GRHL2: variants seen among roughly 807,000 people sequenced by gnomAD.
GRHL2 encodes grainyhead like transcription factor 2.
Under a neutral mutation model 83.8 loss-of-function variants are expected in GRHL2, and 21 were observed. That is an observed-to-expected ratio of 0.25 (90% CI 0.18 to 0.36). The LOEUF is 0.36. GRHL2 is among the 10% of genes least tolerant of loss of function. GRHL2 has a pLI of 1.00. For synonymous variants in GRHL2, 280 were observed against 278.9 expected, an observed-to-expected ratio of 1.00 and a Z score of -0.04; for missense variants, 623 against 781.8, an observed-to-expected ratio of 0.80 and a Z score of 2.42.
Position 101,562,296 on chromosome 8 carries a change from G to A in GRHL2, c.678+3484G>A, listed in dbSNP as rs550018123. On this transcript the variant is annotated intron_variant, in intron 4 of 15. Coordinates refer to ENST00000646743, the MANE Select transcript of GRHL2 (RefSeq NM_024915.4). ...TTTTTCAAATTCAAATGAATTATAC[G>A]CCGTAAGCCCTTTACCAGCTGCTTT... The A allele has an allele frequency of 5.2e-4, 315 of 607,176 alleles. 1 individual carries two copies. Among genetic ancestry groups the A allele is most frequent in the African/African-American group, 4.6e-3 (251 of 54,334 alleles). 37.6% of individuals were successfully genotyped at this position (607,176 alleles called of 1,614,324 possible).
intron 4 of GRHL2, among the ~76,000 whole-genome samples, chr8:101,566,873 G>T (rs906441267): frequency 4.0e-5 from 6 of 151,456 alleles, no homozygotes; most frequent in African/African-American, 1.5e-4. Context: ...TTTGATTAGC[G>T]TTTTTTCCTA....
At chr8:101,647,744 C>CTTTTTT (rs1813541230) in intron 13 of GRHL2, among the ~76,000 whole-genome samples, 1 of 151,744 alleles carries the variant, frequency 6.6e-6, no homozygotes, top group Admixed American at 6.6e-5. Flanking sequence ...TTTTCTTTTT[C>CTTTTTT]TTTTTCTTTT....
chr8:101,573,375 A>T (rs1222743139), intron 5 of GRHL2, among the ~76,000 whole-genome samples: 1 of 152,124 alleles, frequency 6.6e-6, no homozygotes, highest in Admixed American at 6.5e-5. Context: ...GCCAGCTAAG[A>T]TCTACCAGGG....
chr8:101,610,538 TGAAAG>T lies in GRHL2; in HGVS notation c.1099-8998_1099-8994del, dbSNP rs562019563. Among the ~76,000 whole-genome samples the T allele has an allele frequency of 7.8e-4, 118 of 151,028 alleles. 11 individuals are homozygous for T. The highest frequency in any genetic ancestry group is 2.8e-3 in the African/African-American group (113 of 40,432). On this transcript the variant is annotated intron_variant, in intron 8 of 15. Transcript: ENST00000646743. Reference sequence around the variant, plus strand: ...AGGACCAGCTGAGAGACTAGGTGTCTGAAAGGAGAGAGATAATGTTGACGATAGTA... The same window carrying T: ...AGGACCAGCTGAGAGACTAGGTGTCTGAGAGAGATAATGTTGACGATAGTA...
At chr8:101,570,613 T>C (rs1435970470) in intron 5 of GRHL2, among the ~76,000 whole-genome samples, 1 of 151,854 alleles carries the variant, frequency 6.6e-6, no homozygotes, top group East Asian at 1.9e-4. Flanking sequence ...CTTCCTTCTG[T>C]TGGCTAGACA....
intron 6 of GRHL2, among the ~76,000 whole-genome samples, chr8:101,576,430 G>A (rs1811934812): frequency 6.6e-6 from 1 of 152,088 alleles, no homozygotes; most frequent in Non-Finnish European, 1.5e-5. Context: ...ATGTTCCCCA[G>A]GCTGGTCTTG....
chr8:101,545,034 A>T (rs1193596324), intron 2 of GRHL2, among the ~76,000 whole-genome samples: 1 of 152,042 alleles, frequency 6.6e-6, no homozygotes, highest in Admixed American at 6.6e-5. Flanking sequence ...CTTCTTGGGG[A>T]GATGATTGAA....
rs537326028 is a variant in GRHL2, at chr8:101,649,507, A to G, written c.1698+8A>G. Reference sequence around the variant, plus strand: ...AAGGGCCTGATGGAAGCGGTAAGCCATATACTCCTTTCAGCCTCCAGGAAA... The same window carrying G: ...AAGGGCCTGATGGAAGCGGTAAGCCGTATACTCCTTTCAGCCTCCAGGAAA... On this transcript the variant is annotated splice_region_variant and intron_variant, in intron 14 of 15. Coordinates refer to ENST00000646743, the MANE Select transcript of GRHL2 (RefSeq NM_024915.4). 3 of 1,606,942 alleles carry G rather than the reference A, an allele frequency of 1.9e-6. No homozygotes were observed. Among genetic ancestry groups the G allele is most frequent in the Non-Finnish European group, 2.6e-6 (3 of 1,173,712 alleles).
At chr8:101,519,033 A>G (rs1050984565) in intron 1 of GRHL2, among the ~76,000 whole-genome samples, 8 of 107,272 alleles carry the variant, frequency 7.5e-5, no homozygotes, top group African/African-American at 2.0e-4. Flanking sequence ...ACACTCACAT[A>G]CACACATACA....
intron 3 of GRHL2, among the ~76,000 whole-genome samples, chr8:101,557,613 A>G (rs1222382509): frequency 6.6e-6 from 1 of 152,108 alleles, no homozygotes; most frequent in Non-Finnish European, 1.5e-5. Context: ...TGGTTTGTTC[A>G]GGTCAAGATC....
At chr8:101,578,006 C>T (rs972661122) in intron 7 of GRHL2, among the ~76,000 whole-genome samples, 10 of 152,134 alleles carry the variant, frequency 6.6e-5, no homozygotes, top group Non-Finnish European at 1.3e-4. Context: ...GGTGGTCACG[C>T]AAGTGAACCA....
At chr8:101,500,441 A>G (rs908256784) in intron 1 of GRHL2, among the ~76,000 whole-genome samples, 1 of 152,184 alleles carries the variant, frequency 6.6e-6, no homozygotes, top group Admixed American at 6.5e-5. Flanking sequence ...AGGAGAGCAC[A>G]TTTTATGTTG....
rs1474219173 is a variant in GRHL2 at position 101,667,766 on chromosome 8, C to CA, written c.*1064dup. The CA allele has an allele frequency of 6.5e-6, 1 of 152,872 alleles. No individual in the cohort carries two copies. Among genetic ancestry groups the CA allele is most frequent in the Non-Finnish European group, 1.5e-5 (1 of 68,216 alleles). The allele number at this position is 152,872 out of a possible 1,614,324, so 9.5% of individuals were successfully genotyped here. ...GCCTGAGCTTTCTGGAGAGCCTCTG[C>CA]AGGGGGTTTGCCATCAGGGCCCTGT... On this transcript the variant is annotated 3_prime_UTR_variant, in exon 16 of 16. Coordinates refer to ENST00000646743, the MANE Select transcript of GRHL2 (RefSeq NM_024915.4).
At chr8:101,673,733 C>G (rs1814246178), downstream of GRHL2, among the ~76,000 whole-genome samples, 1 of 152,002 alleles carries the variant, frequency 6.6e-6, no homozygotes. Flanking sequence ...GAACTCTCCA[C>G]CCCAAATCAA....
At chr8:101,535,720 A>G (rs1811031755) in intron 1 of GRHL2, among the ~76,000 whole-genome samples, 1 of 151,826 alleles carries the variant, frequency 6.6e-6, no homozygotes, top group South Asian at 2.1e-4. Context: ...TTGTATTTTT[A>G]GTAGAGACAG....
In GRHL2 at chr8:101,619,114, G is replaced by A. The variant is rs551019826; in HGVS notation, c.1099-425G>A. Among the ~76,000 whole-genome samples, 717 of 152,182 alleles carry A rather than the reference G, an allele frequency of 4.7e-3. 5 individuals carry two copies. Among genetic ancestry groups the A allele is most frequent in the African/African-American group, 0.015 (635 of 41,524 alleles). On this transcript the variant is annotated intron_variant, in intron 8 of 15. Coordinates refer to ENST00000646743, the MANE Select transcript of GRHL2 (RefSeq NM_024915.4). The stretch of plus-strand genomic sequence containing the variant: ...TAAAAATACAAAAAATTAGCCAGAC[G>A]TGGTGGCAGGCTCCTGTAGTCCCAG...
chr8:101,643,510 G>C (rs1344495693), intron 12 of GRHL2, among the ~76,000 whole-genome samples: 1 of 152,138 alleles, frequency 6.6e-6, no homozygotes, highest in Non-Finnish European at 1.5e-5. Context: ...CAGCACCGCA[G>C]GCTTCTGGGA....
intron 14 of GRHL2, among the ~76,000 whole-genome samples, chr8:101,655,540 A>C (rs1232337016): frequency 2.0e-5 from 3 of 152,198 alleles, no homozygotes; most frequent in South Asian, 4.1e-4. Flanking sequence ...TAAACCCCCC[A>C]GACCTTCATT....
intron 1 of GRHL2, among the ~76,000 whole-genome samples, chr8:101,498,966 T>C (rs1810166026): frequency 6.6e-6 from 1 of 151,866 alleles, no homozygotes; most frequent in Non-Finnish European, 1.5e-5. Flanking sequence ...TCCCAGCTAC[T>C]TGGGAGGCTG....
Sources: gnomAD v4.1 joint callset for allele counts (sites outside exome capture counted in the v4.1 genomes callset) on GRCh38, gnomAD v4.1.1 for gene constraint, MANE v1.5 for transcripts, NCBI Gene and HGNC (gene_info 2026-07-23, HGNC 2026-07-21) for gene names.